Variants in ZNF644 observed in about 807,000 individuals in gnomAD.
The protein encoded by ZNF644 is zinc finger motif enhancer binding protein 2.
ZNF644 carries 20 observed loss-of-function variants against 108.0 expected under a neutral mutation model. That is an observed-to-expected ratio of 0.19 (90% confidence interval 0.13 to 0.27). ZNF644 has a LOEUF of 0.27. ZNF644 is among the 10% of genes least tolerant of loss of function. The pLI is 1.00. For synonymous variants in ZNF644, 542 were observed against 539.1 expected (o/e 1.01, Z -0.08); for missense variants, 1,338 against 1,548.9 (o/e 0.86, Z 2.29).
At chr1:91,012,361 C>A (rs532992385) in intron 1 of ZNF644, among the ~76,000 whole-genome samples, 5 of 151,046 alleles carry the variant, frequency 3.3e-5, no homozygotes, top group African/African-American at 9.7e-5. Context: ...ACCTGTAGTT[C>A]CAGGTACTCA....
At position 90,940,437 on chromosome 1, in the gene ZNF644, T is replaced by A; in HGVS notation, c.917A>T (p.Asp306Val). 1 of 1,613,634 alleles carries A rather than the reference T, an allele frequency of 6.2e-7. No individual in the cohort carries two copies. The highest frequency in any genetic ancestry group is 2.2e-5 in the East Asian group (1 of 44,854). The change falls in exon 3 of 6, where the codon GAT (aspartate) becomes GTT (valine). Residue 306 changes from aspartate (D) to valine (V), a missense_variant. This residue lies in a region of ZNF644 where 464 missense variants were observed against 457.9 expected (regional missense o/e 1.01). Transcript: ENST00000337393. ...DVSKITRYTEDCFSDSNCVPN... is the reference protein window; with the variant it reads ...DVSKITRYTEVCFSDSNCVPN... ...TACACAATTAGAATCACTAAAGCAA[T>A]CCTCGGTATAACGAGTTATCTTGCT...
chr1:90,988,486 C>T (rs1206296687), intron 1 of ZNF644, among the ~76,000 whole-genome samples: 1 of 152,150 alleles, frequency 6.6e-6, no homozygotes, highest in Non-Finnish European at 1.5e-5. Context: ...AGATTCAATG[C>T]AATCCCTGTC....
At chr1:90,962,823 G>A (rs1278219554) in intron 2 of ZNF644, among the ~76,000 whole-genome samples, 1 of 152,058 alleles carries the variant, frequency 6.6e-6, no homozygotes, top group Non-Finnish European at 1.5e-5. Context: ...TTAGAGAGGA[G>A]GGAACTGCCT....
chr1:90,970,125 A>G (rs1655309536), intron 2 of ZNF644, among the ~76,000 whole-genome samples: 1 of 152,234 alleles, frequency 6.6e-6, no homozygotes. Flanking sequence ...CTGCCTATTC[A>G]TATTATTGCA....
intron 4 of ZNF644, among the ~76,000 whole-genome samples, chr1:90,932,783 A>T (rs951517457): frequency 9.9e-5 from 15 of 152,272 alleles, no homozygotes; most frequent in African/African-American, 3.4e-4. Context: ...TTTTTTAATG[A>T]GGGAAAAAAT....
chr1:90,979,941 T>C (rs531664088), intron 2 of ZNF644, among the ~76,000 whole-genome samples: 1 of 152,308 alleles, frequency 6.6e-6, no homozygotes, highest in African/African-American at 2.4e-5. Flanking sequence ...ACTTGGGAAA[T>C]ATTTTATTTC....
At chr1:90,980,627 A>G (rs1053437264) in intron 2 of ZNF644, among the ~76,000 whole-genome samples, 1 of 152,254 alleles carries the variant, frequency 6.6e-6, no homozygotes, top group African/African-American at 2.4e-5. Flanking sequence ...ATTACTAAAA[A>G]TAAAACAGCA....
intron 1 of ZNF644, among the ~76,000 whole-genome samples, chr1:90,984,629 G>A (rs1198347870): frequency 1.3e-5 from 2 of 152,172 alleles, no homozygotes. Flanking sequence ...CTGACCTCAA[G>A]TGATCCACCC....
rs756244104 is a variant in ZNF644, at chr1:90,939,230, A to T, written c.2124T>A (p.Asn708Lys). 1.2e-6 allele frequency: 2 copies of T among 1,613,876 alleles called. No homozygotes were observed. The highest frequency in any genetic ancestry group is 1.7e-6 in the Non-Finnish European group (2 of 1,179,944). ...MCNQNSSPHK[N>K]VTIKSSVDQK... ...GGTCAACGCTGCTTTTAATTGTAAC[A>T]TTCTTATGAGGAGAGCTGTTTTGAT... The change falls in exon 3 of 6, where the codon AAT (asparagine) becomes AAA (lysine). Residue 708 changes from asparagine to lysine, a missense_variant. Physicochemically the swap from Asn to Lys is moderately conservative, Grantham distance 94. Around this residue, in one of 6 missense-constraint regions of ZNF644, gnomAD observed 462 missense variants for 472.6 expected, o/e 0.98. Coordinates refer to ENST00000337393, the MANE Select transcript of ZNF644 (RefSeq NM_201269.3).
chr1:90,920,443 G>A (rs1649305115), intron 4 of ZNF644, among the ~76,000 whole-genome samples: 1 of 151,892 alleles, frequency 6.6e-6, no homozygotes, highest in Non-Finnish European at 1.5e-5. Flanking sequence ...CATTTTATCA[G>A]TTACAAAAGC....
In ZNF644 at chr1:91,010,154, T is replaced by C. The variant is rs165167; in HGVS notation, c.-18+11836A>G. Among the ~76,000 whole-genome samples the C allele has an allele frequency of 1.5e-3, 233 of 152,144 alleles. 4 individuals are homozygous for C. The highest frequency in any genetic ancestry group is 0.01 in the Middle Eastern group (3 of 294). On this transcript the variant is annotated intron_variant, in intron 1 of 5. Coordinates refer to ENST00000337393, the MANE Select transcript of ZNF644 (RefSeq NM_201269.3). ...TAGATCCCTCCAGCTCATGCCACAATCTTATTACTTTTTATTATATGCATT... is the reference window on the plus strand; with the variant it reads ...TAGATCCCTCCAGCTCATGCCACAACCTTATTACTTTTTATTATATGCATT...
chr1:90,965,803 G>A (rs550029938), intron 2 of ZNF644, among the ~76,000 whole-genome samples: 1 of 152,162 alleles, frequency 6.6e-6, no homozygotes, highest in Admixed American at 6.5e-5. Flanking sequence ...AGGCTGGAAC[G>A]CAGTGGCATG....
chr1:90,992,171 G>T (rs773983814), intron 1 of ZNF644, among the ~76,000 whole-genome samples: 2 of 152,128 alleles, frequency 1.3e-5, no homozygotes, highest in Non-Finnish European at 2.9e-5. Context: ...CAGGCATAAG[G>T]AAACTTTTTG....
intron 2 of ZNF644, among the ~76,000 whole-genome samples, chr1:90,981,335 A>G (rs903859634): frequency 1.3e-5 from 2 of 152,126 alleles, no homozygotes; most frequent in African/African-American, 4.8e-5. Context: ...TTAGAGCACA[A>G]TAAGTACTCT....
intron 4 of ZNF644, among the ~76,000 whole-genome samples, chr1:90,933,271 T>G (rs1159182136): frequency 6.6e-6 from 1 of 152,194 alleles, no homozygotes; most frequent in Admixed American, 6.6e-5. Context: ...CATTAACTCC[T>G]CTAAAGTCTA....
intron 1 of ZNF644, among the ~76,000 whole-genome samples, chr1:90,985,821 C>T (rs965878553): frequency 6.6e-5 from 10 of 152,078 alleles, no homozygotes; most frequent in Admixed American, 2.0e-4. Context: ...TATAACCAGA[C>T]GTGGGACTGC....
At chr1:90,999,865 A>G (rs1658582306) in intron 1 of ZNF644, among the ~76,000 whole-genome samples, 1 of 152,176 alleles carries the variant, frequency 6.6e-6, no homozygotes. Flanking sequence ...AATGGAAAAC[A>G]AAAAAAGGCA....
chr1:90,960,758 A>G (rs906959314), intron 2 of ZNF644, among the ~76,000 whole-genome samples: 4 of 152,066 alleles, frequency 2.6e-5, no homozygotes, highest in Admixed American at 6.6e-5. Context: ...GATCTCCCTC[A>G]TTGCAACAAG....
chr1:90,937,662 G>C lies in ZNF644; in HGVS notation c.3511C>G (p.Leu1171Val), dbSNP rs754496609. ...CTTTTATTTTTAAGAAGTTCTATGA[G>C]TGTAAGAGACTGATTCTTTTTCCCA... The part of the protein sequence containing the change: ...PSGKKNQSLT[L>V]IELLKNKRMG... The change falls in exon 4 of 6, where the codon CTC becomes GTC. Residue 1171 changes from leucine (L) to valine (V), a missense_variant. Leu to Val is a conservative substitution (Grantham distance 32, BLOSUM62 1). Around this residue, in one of 6 missense-constraint regions of ZNF644, gnomAD observed 287 missense variants for 310.9 expected, o/e 0.92. Transcript: ENST00000337393. 6.2e-7 allele frequency: 1 copy of C among 1,613,918 alleles called. No homozygotes were observed. Among genetic ancestry groups the C allele is most frequent in the Non-Finnish European group, 8.5e-7 (1 of 1,179,886 alleles).
Sources: allele counts gnomAD v4.1 joint callset (sites outside exome capture counted in the v4.1 genomes callset), GRCh38; gene constraint gnomAD v4.1.1; regional missense constraint gnomAD v4.1.1; transcripts MANE v1.5; gene names NCBI Gene and HGNC (gene_info 2026-07-23, HGNC 2026-07-21).